Variants in TRAF3IP3 observed in about 807,000 individuals in gnomAD.
The protein encoded by TRAF3IP3 is TRAF3-interacting JNK-activating modulator.
A neutral mutation model predicts 86.5 loss-of-function variants in TRAF3IP3; 64 were observed. The ratio of observed to expected loss-of-function variants is 0.74; its 90% CI spans 0.60 to 0.91. The LOEUF is 0.91. TRAF3IP3 is among the 40% of genes least tolerant of loss of function. The pLI is 0.00. For missense variants in TRAF3IP3, 579 were observed against 642.9 expected (o/e 0.90, Z 1.07); for synonymous variants, 220 against 243.9 (o/e 0.90, Z 0.91).
intron 8 of TRAF3IP3, among the ~76,000 whole-genome samples, chr1:209,770,120 G>C (rs967890958): frequency 2.0e-5 from 3 of 152,208 alleles, no homozygotes; most frequent in African/African-American, 7.2e-5. Flanking sequence ...TCGCCCTTGA[G>C]ATTAGCATCT....
Position 209,779,350 on chromosome 1 carries a change from C to G in TRAF3IP3, c.1288C>G (p.Gln430Glu). ...LQNQSLQLQE[Q>E]EKLLTKKDQA... ...AAATCAATCCTTACAGCTTCAAGAA[C>G]AGGAGAAACTCTTAACAAAGAAAGG... The change falls in exon 14 of 17, where the codon CAG (glutamine) becomes GAG (glutamate). Residue 430 changes from glutamine (Q) to glutamate (E), a missense_variant. Physicochemically the swap from Gln to Glu is conservative, Grantham distance 29. Coordinates refer to ENST00000367025, the MANE Select transcript of TRAF3IP3 (RefSeq NM_025228.4). 1 of 1,614,132 alleles carries G rather than the reference C, an allele frequency of 6.2e-7. No homozygotes were observed. The highest frequency in any genetic ancestry group is 8.5e-7 in the Non-Finnish European group (1 of 1,179,956).
intron 8 of TRAF3IP3, among the ~76,000 whole-genome samples, chr1:209,766,016 G>A (rs929309742): frequency 2.0e-5 from 3 of 152,190 alleles, no homozygotes; most frequent in Admixed American, 6.5e-5. Context: ...ATACCGCACC[G>A]GGTGGAAAGA....
intron 8 of TRAF3IP3, among the ~76,000 whole-genome samples, chr1:209,767,928 C>T (rs908214058): frequency 1.3e-5 from 2 of 152,038 alleles, no homozygotes; most frequent in Admixed American, 1.3e-4. Flanking sequence ...TTGTGGTTTC[C>T]TCCCTCCCTT....
In TRAF3IP3 at chr1:209,777,503, G is replaced by A. The variant is rs41305104; in HGVS notation, c.1189+16G>A. ...GACCTACAAGGTACTCTTCTCCTTG[G>A]AGGCCTTGAGTGCATGGCAGCCATG... is the stretch of plus-strand genomic sequence containing the variant. On this transcript the variant is annotated intron_variant, in intron 12 of 16. Transcript: ENST00000367025. 0.16 allele frequency: 250,356 copies of A among 1,594,148 alleles called. 20,710 individuals are homozygous for A. Among genetic ancestry groups the A allele is most frequent in the East Asian group, 0.22 (9,883 of 44,168 alleles).
intron 8 of TRAF3IP3, among the ~76,000 whole-genome samples, chr1:209,770,144 G>A (rs11119344): frequency 0.18 from 27,209 of 152,168 alleles, 2,830 homozygotes; most frequent in Middle Eastern, 0.24. Context: ...TTGGAATGTC[G>A]AAAATACCAT....
At chr1:209,777,316 A>T (rs755922379) in intron 11 of TRAF3IP3, 36 bp from the exon 12 acceptor site, 95 of 1,466,518 alleles carry the variant, frequency 6.5e-5, no homozygotes, top group Middle Eastern at 1.9e-4. Flanking sequence ...CCCAACACTG[A>T]CCTCCTTCTA....
At chr1:209,778,330 A>G (rs2077702692) in intron 13 of TRAF3IP3, 157 bp downstream of exon 13, 1 of 570,554 alleles carries the variant, frequency 1.8e-6, no homozygotes, top group Admixed American at 3.5e-5. Flanking sequence ...GGTCATTTAC[A>G]TAGCTCTCCA....
chr1:209,777,319 T>G, intron 11 of TRAF3IP3, 33 bp from the exon 12 acceptor site: 1 of 1,592,412 alleles, frequency 6.3e-7, no homozygotes, highest in Non-Finnish European at 8.6e-7. Context: ...AACACTGACC[T>G]CCTTCTATAT....
chr1:209,763,156 T>C, intron 6 of TRAF3IP3, 64 bp downstream of exon 6: 2 of 1,570,352 alleles, frequency 1.3e-6, no homozygotes, highest in Non-Finnish European at 8.8e-7. Context: ...ATTCTGGAAT[T>C]CCATGATAAA....
chr1:209,765,302 A>C (rs376240344), intron 8 of TRAF3IP3, among the ~76,000 whole-genome samples: 1 of 151,592 alleles, frequency 6.6e-6, no homozygotes, highest in South Asian at 2.1e-4. Flanking sequence ...ATTAAGATAG[A>C]AATTGAGAAA....
chr1:209,777,950 G>A, intron 12 of TRAF3IP3, 161 bp from the exon 13 acceptor site: 1 of 654,382 alleles, frequency 1.5e-6, no homozygotes. Context: ...CTTGGCTTCT[G>A]GTTTACCTCT....
intron 14 of TRAF3IP3, 77 bp from the exon 15 acceptor site, chr1:209,780,393 C>A: frequency 7.3e-7 from 1 of 1,366,602 alleles, no homozygotes; most frequent in South Asian, 1.8e-5. Flanking sequence ...TCTCCCCACT[C>A]CTAGTGGTTT....
At chr1:209,779,455 C>G in intron 14 of TRAF3IP3, 81 bp downstream of exon 14, 4 of 1,209,798 alleles carry the variant, frequency 3.3e-6, no homozygotes, top group Non-Finnish European at 4.9e-6. Flanking sequence ...ACTACATGAC[C>G]TCCTGGAGTC....
rs1424565814 is a variant in TRAF3IP3, at chr1:209,775,654, C to T, written c.971C>T (p.Ala324Val). 2 of 1,614,174 alleles carry T rather than the reference C, an allele frequency of 1.2e-6. No individual in the cohort carries two copies. Among genetic ancestry groups the T allele is most frequent in the Non-Finnish European group, 8.5e-7 (1 of 1,180,038 alleles). The change falls in exon 11 of 17, where the codon GCT becomes GTT. Residue 324 changes from alanine (A) to valine (V), a missense_variant. Transcript: ENST00000367025. ...KCEEWRSQYE[A>V]LKEDWRTLGT... ...GAAGAGTGGAGGAGCCAGTATGAGG[C>T]TCTGAAGGAGGACTGGAGGACCCTT...
intron 13 of TRAF3IP3, 113 bp from the exon 14 acceptor site, chr1:209,779,202 C>T: frequency 2.6e-6 from 2 of 781,074 alleles, no homozygotes. Flanking sequence ...CAAAATTCAA[C>T]ACACAGCAGA....
chr1:209,777,917 T>C (rs1171274051), intron 12 of TRAF3IP3, 194 bp from the exon 13 acceptor site: 1 of 605,242 alleles, frequency 1.7e-6, no homozygotes, highest in Non-Finnish European at 2.9e-6. Context: ...CCCAACATTG[T>C]TGATGCACAA....
At chr1:209,766,880 G>A (rs1051214717) in intron 8 of TRAF3IP3, among the ~76,000 whole-genome samples, 3 of 152,082 alleles carry the variant, frequency 2.0e-5, no homozygotes, top group Non-Finnish European at 2.9e-5. Context: ...TAAAAATAAA[G>A]GAAAGAAACC....
At chr1:209,774,371 G>C (rs1039051773) in intron 9 of TRAF3IP3, among the ~76,000 whole-genome samples, 2 of 152,212 alleles carry the variant, frequency 1.3e-5, no homozygotes, top group African/African-American at 4.8e-5. Context: ...ATGAAAGACA[G>C]ATGAGTCAAT....
chr1:209,779,228 T>TA, intron 13 of TRAF3IP3, 87 bp from the exon 14 acceptor site: 1 of 1,080,500 alleles, frequency 9.3e-7, no homozygotes, highest in Non-Finnish European at 1.4e-6. Flanking sequence ...ACATATTTAA[T>TA]AACCAAGGTT....
Sources: allele counts gnomAD v4.1 joint callset (sites outside exome capture counted in the v4.1 genomes callset), GRCh38; gene constraint gnomAD v4.1.1; transcripts MANE v1.5; gene names NCBI Gene and HGNC (gene_info 2026-07-23, HGNC 2026-07-21).